EI24: variants seen among roughly 807,000 people sequenced by gnomAD.
EI24 encodes the protein etoposide-induced protein 2.4 homolog.
In EI24, 21 loss-of-function variants were observed where a neutral mutation model predicts 48.6. That is an observed-to-expected ratio of 0.43 (90% CI 0.31 to 0.62). The LOEUF is 0.62. Among genes scored for constraint, EI24 ranks in the 20% least tolerant of loss-of-function variants. The pLI, the probability that EI24 is intolerant of heterozygous loss-of-function variation, is 0.10. For synonymous variants in EI24, 114 were observed against 145.5 expected, an observed-to-expected ratio of 0.78 and a Z score of 1.56; for missense variants, 280 against 410.5, an observed-to-expected ratio of 0.68 and a Z score of 2.75.
chr11:125,581,190 G>A (rs748073887), intron 8 of EI24, 21 bp from the exon 9 acceptor site: 3 of 1,535,340 alleles, frequency 2.0e-6, no homozygotes, highest in South Asian at 1.1e-5. Context: ...ATATCTAATT[G>A]TATTGGCTTT....
intron 8 of EI24, 61 bp downstream of exon 8, chr11:125,580,265 C>A: frequency 8.1e-7 from 1 of 1,235,760 alleles, no homozygotes; most frequent in Non-Finnish European, 1.2e-6. Flanking sequence ...TACTGCTAAG[C>A]AGACTTCTTA....
In EI24 at chr11:125,579,066, C is replaced by G; in HGVS notation, c.559C>G (p.Gln187Glu). 1 of 1,561,402 alleles carries G rather than the reference C, an allele frequency of 6.4e-7. No homozygotes were observed. The highest frequency in any genetic ancestry group is 8.7e-7 in the Non-Finnish European group (1 of 1,151,616). ...NLLLQALFLIQGMFVSLFPIH... is the reference protein window; with the variant it reads ...NLLLQALFLIEGMFVSLFPIH... ...TTTGCTGCAGGCTCTTTTCCTCATT[C>G]AGGTGAGACTGACCTTCTGGGCATA... Residue 187 changes from glutamine to glutamate, a missense_variant and splice_region_variant, in exon 7 of 11, where the codon CAG (glutamine) becomes GAG (glutamate). Transcript: ENST00000278903.
At chr11:125,575,051 TC>T (rs1938681956) in intron 2 of EI24, among the ~76,000 whole-genome samples, 1 of 151,764 alleles carries the variant, frequency 6.6e-6, no homozygotes, top group African/African-American at 2.4e-5. Context: ...CATGGTGAGA[TC>T]CCCATCGCTA....
intron 1 of EI24, among the ~76,000 whole-genome samples, chr11:125,570,767 C>T (rs763861157): frequency 6.6e-6 from 1 of 152,190 alleles, no homozygotes; most frequent in East Asian, 1.9e-4. Context: ...AGTTTAGTAC[C>T]CTTAATTTAT....
At position 125,579,061 on chromosome 11, in the gene EI24, T is replaced by G; in HGVS notation, c.554T>G (p.Leu185Arg). 6.4e-7 allele frequency: 1 copy of G among 1,563,508 alleles called. No individual in the cohort carries two copies. The highest frequency in any genetic ancestry group is 8.7e-7 in the Non-Finnish European group (1 of 1,152,586). Reference protein sequence around the residue: ...LFNLLLQALFLIQGMFVSLFP... With the variant: ...LFNLLLQALFRIQGMFVSLFP... Reference sequence around the variant, plus strand: ...AACCTTTTGCTGCAGGCTCTTTTCCTCATTCAGGTGAGACTGACCTTCTGG... The same window carrying G: ...AACCTTTTGCTGCAGGCTCTTTTCCGCATTCAGGTGAGACTGACCTTCTGG... Residue 185 changes from leucine (L) to arginine (R), a missense_variant, in exon 7 of 11, where the codon CTC becomes CGC. Physicochemically the swap from Leu to Arg is moderately radical, Grantham distance 102. This residue lies in a region of EI24 where 204 missense variants were observed against 294.1 expected (regional missense o/e 0.69). Coordinates refer to ENST00000278903, the MANE Select transcript of EI24 (RefSeq NM_004879.5).
Position 125,583,107 on chromosome 11 carries a change from C to CT in EI24, c.861-403dup, listed in dbSNP as rs981993729. Among the ~76,000 whole-genome samples the CT allele has an allele frequency of 1.7e-3, 246 of 147,980 alleles. 1 individual carries two copies. The highest frequency in any genetic ancestry group is 4.6e-3 in the African/African-American group (186 of 40,606). On this transcript the variant is annotated intron_variant, in intron 10 of 10. Transcript: ENST00000278903. The stretch of plus-strand genomic sequence containing the variant: ...TGGCAGCAGCAGGGCCCAATGCATT[C>CT]TTTTTTTTTTTGAGACGGAGTCTCG...
chr11:125,577,239 G>A (rs2135860668), intron 4 of EI24, among the ~76,000 whole-genome samples: 1 of 152,252 alleles, frequency 6.6e-6, no homozygotes, highest in East Asian at 1.9e-4. Context: ...TTACAGGCAT[G>A]CACCACCACA....
In EI24 at chr11:125,575,273, A is replaced by T; in HGVS notation, c.53A>T (p.Asp18Val). The change falls in exon 3 of 11, where the codon GAC (aspartate) becomes GTC (valine). Residue 18 changes from aspartate (D) to valine (V), a missense_variant. By Grantham distance (152) the Asp-to-Val change is radical. This residue lies in a region of EI24 where 204 missense variants were observed against 294.1 expected (regional missense o/e 0.69). Transcript: ENST00000278903. ...FLQDLARGIK[D>V]SIWGICTISK... ...TAGCCTTTTCTATAGGGAATCAAAG[A>T]CTCCATCTGGGGTATTTGTACCATC... 6.5e-7 allele frequency: 1 copy of T among 1,547,788 alleles called. No individual in the cohort carries two copies. The highest frequency in any genetic ancestry group is 8.7e-7 in the Non-Finnish European group (1 of 1,144,586).
At chr11:125,582,609 T>C (rs1939060968) in intron 10 of EI24, among the ~76,000 whole-genome samples, 189 bp downstream of exon 10, 1 of 152,176 alleles carries the variant, frequency 6.6e-6, no homozygotes, top group Non-Finnish European at 1.5e-5. Flanking sequence ...CACATGAGTA[T>C]ATATATATTT....
At chr11:125,569,798 G>C in intron 1 of EI24, 1 of 273,350 alleles carries the variant, frequency 3.7e-6, no homozygotes, top group Non-Finnish European at 6.8e-6. Context: ...GTGACCCGGA[G>C]CGTGCGTGAT....
rs370986926 is a variant in EI24, at chr11:125,578,480, C to CTTT, written c.441+245_441+247dup. The stretch of plus-strand genomic sequence containing the variant: ...TGGTGCCTTTTCTTTTTCGTTTTGG[C>CTTT]TTTTTTTTTTTTTTTTTTTTTTTTG... On this transcript the variant is annotated intron_variant, in intron 6 of 10. Transcript: ENST00000278903. Among the ~76,000 whole-genome samples, 413 of 84,696 alleles carry CTTT rather than the reference C, an allele frequency of 4.9e-3. 1 individual carries two copies. The highest frequency in any genetic ancestry group is 6.1e-3 in the African/African-American group (128 of 21,020). The allele number at this position is 84,696 out of a possible 152,430, so 55.6% of individuals were successfully genotyped here. A position where few individuals can be genotyped will look rare whatever the true frequency, so the allele number is the denominator to read the frequency against.
At chr11:125,578,379 G>C in intron 6 of EI24, 122 bp downstream of exon 6, 1 of 1,295,966 alleles carries the variant, frequency 7.7e-7, no homozygotes, top group Non-Finnish European at 1.1e-6. Flanking sequence ...AATGTTTCTT[G>C]GCCAGGTAGC....
intron 1 of EI24, chr11:125,569,810 C>T (rs2135842107): frequency 3.8e-6 from 1 of 260,104 alleles, no homozygotes; most frequent in Non-Finnish European, 7.3e-6. Flanking sequence ...GTGCGTGATC[C>T]GCACCTCGCG....
rs750315425 is a variant in EI24, at chr11:125,577,530, A to G, written c.276A>G (p.Val92=). The change falls in exon 5 of 11, where the codon GTA becomes GTG. Residue 92 remains valine (V), a synonymous_variant. Coordinates refer to ENST00000278903, the MANE Select transcript of EI24 (RefSeq NM_004879.5). ...TCAGTCTCCTCTTGTTTTATCGAGT[A>G]TTTATTCCTGTGCTTCAGTCGGTAA... The part of the protein sequence containing the change: ...FWFSLLLFYR[V]FIPVLQSVTA... The G allele has an allele frequency of 3.7e-6, 6 of 1,613,686 alleles. No homozygotes were observed.
At position 125,580,121 on chromosome 11, in the gene EI24, A is replaced by G. The variant is rs1273559472; in HGVS notation, c.590A>G (p.His197Arg). Residue 197 changes from histidine to arginine, a missense_variant, in exon 8 of 11, where the codon CAT becomes CGT. Physicochemically the swap from His to Arg is conservative, Grantham distance 29. This residue lies in a region of EI24 where 204 missense variants were observed against 294.1 expected (regional missense o/e 0.69). Coordinates refer to ENST00000278903, the MANE Select transcript of EI24 (RefSeq NM_004879.5). The part of the protein sequence containing the change: ...QGMFVSLFPI[H>R]LVGQLVSLLH... ...ATGTTTGTGAGTCTCTTTCCCATCC[A>G]TCTTGTCGGTCAGCTGGTTAGTCTC... 1.2e-6 allele frequency: 2 copies of G among 1,613,762 alleles called. No individual in the cohort carries two copies. Among genetic ancestry groups the G allele is most frequent in the South Asian group, 2.2e-5 (2 of 91,078 alleles).
At chr11:125,569,933 G>A (rs1938472291) in intron 1 of EI24, 1 of 163,568 alleles carries the variant, frequency 6.1e-6, no homozygotes, top group East Asian at 1.6e-4. Flanking sequence ...GGCAGCCCGT[G>A]GAGCCCCGTG....
chr11:125,583,345 C>T (rs1478834744), intron 10 of EI24, among the ~76,000 whole-genome samples, 176 bp from the exon 11 acceptor site: 1 of 152,140 alleles, frequency 6.6e-6, no homozygotes, highest in Non-Finnish European at 1.5e-5. Flanking sequence ...CGCCCGGCTC[C>T]AATGTATTCT....
At chr11:125,578,380 G>T in intron 6 of EI24, 123 bp downstream of exon 6, 1 of 1,224,554 alleles carries the variant, frequency 8.2e-7, no homozygotes, top group East Asian at 2.4e-5. Flanking sequence ...ATGTTTCTTG[G>T]CCAGGTAGCC....
intron 7 of EI24, among the ~76,000 whole-genome samples, chr11:125,579,352 T>C (rs1176508207): frequency 7.2e-6 from 1 of 139,676 alleles, no homozygotes; most frequent in African/African-American, 2.7e-5. Flanking sequence ...TTATGCCTAA[T>C]TTTTTTTTTT....
Sources: gnomAD v4.1 joint callset for allele counts (sites outside exome capture counted in the v4.1 genomes callset) on GRCh38, gnomAD v4.1.1 for gene constraint, gnomAD v4.1.1 regional missense constraint, MANE v1.5 for transcripts, NCBI Gene and HGNC (gene_info 2026-07-23, HGNC 2026-07-21) for gene names.